The following ARLN variants were observed in gnomAD, a reference collection of about 807,000 sequenced individuals.
ARLN encodes allregulin, also known as sarcoplasmic/endoplasmic reticulum calcium ATPase regulator ARLN.
At chr4:119,298,607 C>T in the ARLN span, 2 of 481,478 alleles carry the variant, frequency 4.2e-6, no homozygotes, top group Non-Finnish European at 3.8e-6. Flanking sequence ...GAAATCCTAC[C>T]CAATTAATAG....
chr4:119,304,183 T>G, the ARLN span: 1 of 1,264,266 alleles, frequency 7.9e-7, no homozygotes, highest in Non-Finnish European at 1.1e-6. Context: ...AGTGCCAACT[T>G]CATAAAATTT....
At chr4:119,301,878 C>T in the ARLN span, among the ~76,000 whole-genome samples, 3 of 152,146 alleles carry the variant, frequency 2.0e-5, no homozygotes, top group African/African-American at 7.2e-5. Flanking sequence ...AAATCAATTG[C>T]CAGGTTTTAG....
the ARLN span, among the ~76,000 whole-genome samples, chr4:119,301,098 A>T: frequency 6.6e-6 from 1 of 151,924 alleles, no homozygotes; most frequent in South Asian, 2.1e-4. Flanking sequence ...AGCATTTTGC[A>T]GGTACTTCAA....
the ARLN span, chr4:119,300,354 AAG>A: frequency 6.2e-7 from 1 of 1,609,872 alleles, no homozygotes; most frequent in Non-Finnish European, 8.5e-7. Context: ...AAAATACACA[AAG>A]AGAAACACCA....
the ARLN span, among the ~76,000 whole-genome samples, chr4:119,302,713 A>G: frequency 2.6e-5 from 4 of 152,234 alleles, no homozygotes; most frequent in Non-Finnish European, 5.9e-5. Context: ...ATTGCACTGC[A>G]ACCATGATCC....
chr4:119,298,744 G>A, the ARLN span: 1 of 772,604 alleles, frequency 1.3e-6, no homozygotes, highest in Non-Finnish European at 2.4e-6. Context: ...ATTCACTCAA[G>A]AACCAACTTC....
the ARLN span, chr4:119,300,234 G>T: frequency 1.1e-6 from 1 of 941,378 alleles, no homozygotes; most frequent in Non-Finnish European, 1.6e-6. Flanking sequence ...TGTGATCTTG[G>T]ACATATATAA....
chr4:119,299,877 T>C, the ARLN span, among the ~76,000 whole-genome samples: 2 of 152,168 alleles, frequency 1.3e-5, no homozygotes, highest in African/African-American at 2.4e-5. Flanking sequence ...GGTCTGCTCA[T>C]GGTTAAACAG....
the ARLN span, chr4:119,300,486 C>A: frequency 6.2e-7 from 1 of 1,614,162 alleles, no homozygotes; most frequent in Non-Finnish European, 8.5e-7. Context: ...AAAGCCTCGC[C>A]GCTCCCGGAG....
chr4:119,299,083 G>A, the ARLN span, among the ~76,000 whole-genome samples: 3 of 151,930 alleles, frequency 2.0e-5, no homozygotes, highest in Non-Finnish European at 2.9e-5. Context: ...AATCCCTCTC[G>A]CTCCCCTGCC....
At chr4:119,302,840 T>C in the ARLN span, among the ~76,000 whole-genome samples, 406 of 152,306 alleles carry the variant, frequency 2.7e-3, no homozygotes, top group African/African-American at 9.3e-3. Flanking sequence ...TAAGAAGACG[T>C]TACAGATCTT....
chr4:119,299,067 C>T, the ARLN span, among the ~76,000 whole-genome samples: 1 of 152,138 alleles, frequency 6.6e-6, no homozygotes, highest in Non-Finnish European at 1.5e-5. Context: ...TTGCCATCCT[C>T]CCATTAATCC....
At chr4:119,302,196 A>G in the ARLN span, among the ~76,000 whole-genome samples, 3 of 152,234 alleles carry the variant, frequency 2.0e-5, no homozygotes, top group African/African-American at 7.2e-5. Flanking sequence ...CATGACATAA[A>G]CTGAACAGGT....
chr4:119,300,906 C>G, the ARLN span: 1 of 1,067,708 alleles, frequency 9.4e-7, no homozygotes, highest in Non-Finnish European at 1.3e-6. Context: ...TGAAACTGCA[C>G]GAGGTCACCT....
At chr4:119,300,762 C>T in the ARLN span, 5 of 1,483,216 alleles carry the variant, frequency 3.4e-6, no homozygotes, top group African/African-American at 7.0e-5. Context: ...TCCGCCTTGA[C>T]ACTAAGTCAA....
the ARLN span, chr4:119,300,706 G>C: frequency 1.6e-4 from 239 of 1,528,382 alleles, no homozygotes; most frequent in Non-Finnish European, 2.1e-4. Context: ...CAGGCGCCTG[G>C]CTCGGCTTTC....
chr4:119,299,919 T>TTAC, the ARLN span, among the ~76,000 whole-genome samples: 2 of 152,122 alleles, frequency 1.3e-5, no homozygotes, highest in Non-Finnish European at 2.9e-5. Context: ...CGTTGAGCAC[T>TTAC]TACTACTGCC....
the ARLN span, among the ~76,000 whole-genome samples, chr4:119,301,522 A>G: frequency 5.3e-5 from 8 of 152,212 alleles, no homozygotes; most frequent in Non-Finnish European, 1.2e-4. Flanking sequence ...AAAATGACCT[A>G]TACTGCCTGG....
the ARLN span, among the ~76,000 whole-genome samples, chr4:119,298,953 C>T: frequency 1.9e-4 from 29 of 151,806 alleles, no homozygotes; most frequent in Non-Finnish European, 1.8e-4. Context: ...ACACAAAACC[C>T]ACTGTATTTG....
Sources: allele counts gnomAD v4.1 joint callset (sites outside exome capture counted in the v4.1 genomes callset), GRCh38; gene constraint gnomAD v4.1.1; transcripts MANE v1.5; gene names NCBI Gene and HGNC (gene_info 2026-07-23, HGNC 2026-07-21).